The following AR variants were observed in gnomAD, a reference collection of about 807,000 sequenced individuals.
AR encodes the protein androgen receptor, also known as dihydrotestosterone receptor.
AR carries 8 observed loss-of-function variants against 53.9 expected under a neutral mutation model. The observed-to-expected ratio is 0.15, with a 90% CI of 0.09 to 0.27. The LOEUF (loss-of-function observed/expected upper bound fraction) is 0.27. AR is among the 10% of genes least tolerant of loss of function. The pLI, the probability that AR is intolerant of heterozygous loss-of-function variation, is 1.00. For synonymous variants in AR, 359 were observed against 316.4 expected (o/e 1.13, Z -1.43); for missense variants, 639 against 742.5 (o/e 0.86, Z 1.62).
chrX:67,576,508 T>C (rs1394259223), intron 1 of AR, among the ~76,000 whole-genome samples: 1 of 110,668 alleles, frequency 9.0e-6, no homozygotes, highest in East Asian at 2.8e-4. Context: ...AGTTTAAACA[T>C]TTGCTGTTTT....
At chrX:67,664,208 G>T (rs1467142637) in intron 2 of AR, among the ~76,000 whole-genome samples, 2 of 111,783 alleles carry the variant, frequency 1.8e-5, no homozygotes, top group African/African-American at 3.3e-5. Context: ...GATTTTTAGA[G>T]TTTCCGGTTT....
Position 67,544,908 on chromosome X carries a change from G to A in AR, c.-239G>A. 2.7e-6 allele frequency: 1 copy of A among 373,037 alleles called. No individual in the cohort carries two copies. Among genetic ancestry groups the A allele is most frequent in the Non-Finnish European group, 4.5e-6 (1 of 220,443 alleles). The allele number at this position is 373,037 out of a possible 1,213,427, so 30.7% of individuals were successfully genotyped here. Reference sequence around the variant, plus strand: ...TCTACCCTTCAAGTATTAAGAGACAGACTGTGAGCCTAGCAGGGCAGATCT... The same window carrying A: ...TCTACCCTTCAAGTATTAAGAGACAAACTGTGAGCCTAGCAGGGCAGATCT... On this transcript the variant is annotated 5_prime_UTR_variant, in exon 1 of 8. Coordinates refer to ENST00000374690, the MANE Select transcript of AR (RefSeq NM_000044.6).
rs376443652 is a variant in AR, at chrX:67,643,362, C to G, written c.1723C>G (p.Leu575Val). 49 of 1,209,562 alleles carry G rather than the reference C, an allele frequency of 4.1e-5. No individual in the cohort carries two copies. The highest frequency in any genetic ancestry group is 4.7e-5 in the Non-Finnish European group (42 of 895,031). ...AGCTTCTGGGTGTCACTATGGAGCT[C>G]TCACATGTGGAAGCTGCAAGGTCTT... The part of the protein sequence containing the change: ...DEASGCHYGA[L>V]TCGSCKVFFK... Residue 575 changes from leucine (L) to valine (V), a missense_variant, in exon 2 of 8, where the codon CTC becomes GTC. Transcript: ENST00000374690.
intron 2 of AR, among the ~76,000 whole-genome samples, chrX:67,672,416 C>CT (rs1158515571): frequency 9.0e-6 from 1 of 110,525 alleles, no homozygotes; most frequent in South Asian, 3.9e-4. Context: ...TCTTCTCTTC[C>CT]TTTTTTCCTT....
At chrX:67,715,711 C>T (rs975202310) in intron 4 of AR, among the ~76,000 whole-genome samples, 2 of 112,046 alleles carry the variant, frequency 1.8e-5, no homozygotes, top group African/African-American at 6.5e-5. Context: ...TTCTCTGGCC[C>T]TCATGTTCCT....
At chrX:67,637,352 A>G (rs1925490815) in intron 1 of AR, among the ~76,000 whole-genome samples, 1 of 66,687 alleles carries the variant, frequency 1.5e-5, no homozygotes, top group Non-Finnish European at 2.6e-5. Flanking sequence ...AACAGTCCCC[A>G]GTGTGTGATG....
intron 1 of AR, among the ~76,000 whole-genome samples, chrX:67,635,936 G>A (rs904788800): frequency 1.3e-4 from 15 of 111,378 alleles, no homozygotes; most frequent in African/African-American, 4.9e-4. Flanking sequence ...ATGTTATCTA[G>A]GAGCATATTC....
At chrX:67,618,053 A>T (rs1445428894) in intron 1 of AR, among the ~76,000 whole-genome samples, 1 of 112,396 alleles carries the variant, frequency 8.9e-6, no homozygotes, top group African/African-American at 3.2e-5. Flanking sequence ...CTTTTGCCTA[A>T]TTCAAAAATA....
chrX:67,594,196 G>A (rs957401926), intron 1 of AR, among the ~76,000 whole-genome samples: 1 of 111,762 alleles, frequency 8.9e-6, no homozygotes, highest in Admixed American at 9.5e-5. Context: ...GTCTCACTAT[G>A]TTGCCCTGGC....
intron 1 of AR, among the ~76,000 whole-genome samples, chrX:67,591,200 A>G (rs1196681197): frequency 1.8e-5 from 2 of 111,679 alleles, no homozygotes; most frequent in Non-Finnish European, 1.9e-5. Context: ...CTCTGGGCCT[A>G]GAAAAGCGAC....
intron 4 of AR, among the ~76,000 whole-genome samples, chrX:67,715,651 T>G (rs2076110235): frequency 8.9e-6 from 1 of 111,942 alleles, no homozygotes; most frequent in African/African-American, 3.3e-5. Context: ...TGGGTTCTAG[T>G]ATTAGTTCAG....
intron 7 of AR, 139 bp downstream of exon 7, chrX:67,723,123 A>G: frequency 1.3e-6 from 1 of 779,632 alleles, no homozygotes; most frequent in Non-Finnish European, 1.9e-6. Context: ...CCAGGAAGAA[A>G]ATGTGGTGAA....
chrX:67,586,462 C>T (rs1182545814), intron 1 of AR, among the ~76,000 whole-genome samples: 1 of 112,311 alleles, frequency 8.9e-6, no homozygotes, highest in Non-Finnish European at 1.9e-5. Flanking sequence ...CTTTATCACA[C>T]TTCTTCCTGT....
Position 67,729,891 on chromosome X carries a change from A to T in AR, c.*6050A>T, listed in dbSNP as rs2076172875. On this transcript the variant is annotated 3_prime_UTR_variant, in exon 8 of 8. Coordinates refer to ENST00000374690, the MANE Select transcript of AR (RefSeq NM_000044.6). ...CTCACAACCTTAGCCCTTGGTGCTA[A>T]CTGTCCTACAGTGAAGTGCCTGGGG... 5.8e-6 allele frequency: 1 copy of T among 171,480 alleles called. No individual in the cohort carries two copies. The highest frequency in any genetic ancestry group is 8.2e-5 in the East Asian group (1 of 12,184). The allele number at this position is 171,480 out of a possible 1,213,427, so 14.1% of individuals were successfully genotyped here.
chrX:67,565,686 AC>A (rs1290758019), intron 1 of AR, among the ~76,000 whole-genome samples: 2 of 110,855 alleles, frequency 1.8e-5, no homozygotes, highest in Non-Finnish European at 3.8e-5. Context: ...AAGCAACAGA[AC>A]CAGGATTTGG....
At chrX:67,632,486 C>T in intron 1 of AR, among the ~76,000 whole-genome samples, 1 of 112,444 alleles carries the variant, frequency 8.9e-6, no homozygotes, top group East Asian at 2.8e-4. Context: ...CAATGCCTCG[C>T]CCTGCTTCGG....
intron 1 of AR, among the ~76,000 whole-genome samples, chrX:67,628,031 T>C (rs756321263): frequency 2.5e-4 from 28 of 111,962 alleles, no homozygotes; most frequent in Admixed American, 1.3e-3. Context: ...GCTGTTTTGA[T>C]TACTGTAGCC....
rs1193152732 is a variant in AR, at chrX:67,687,771, G to A, written c.1885+1645G>A. On this transcript the variant is annotated intron_variant, in intron 3 of 7. Coordinates refer to ENST00000374690, the MANE Select transcript of AR (RefSeq NM_000044.6). ...GGACTCTCAAGTAGGGAACCTCTTG[G>A]CTTGCCATCTGGCAATATGAATTGC... Among the ~76,000 whole-genome samples the A allele has an allele frequency of 2.7e-5, 3 of 112,214 alleles. No homozygotes were observed. In the East Asian group the frequency reaches 8.4e-4, roughly 32 times the overall value.
intron 1 of AR, among the ~76,000 whole-genome samples, chrX:67,639,259 C>T (rs1188465992): frequency 8.9e-6 from 1 of 111,910 alleles, no homozygotes; most frequent in Non-Finnish European, 1.9e-5. Flanking sequence ...ATGATGCCTC[C>T]AGCTTTGTGC....
Sources: allele counts gnomAD v4.1 joint callset (sites outside exome capture counted in the v4.1 genomes callset), GRCh38; gene constraint gnomAD v4.1.1; transcripts MANE v1.5; gene names NCBI Gene and HGNC (gene_info 2026-07-23, HGNC 2026-07-21).